ATG4C: variants seen among roughly 807,000 people sequenced by gnomAD.
ATG4C encodes cysteine protease ATG4C.
In ATG4C, 56 loss-of-function variants were observed where a neutral mutation model predicts 57.6. That is an observed-to-expected ratio of 0.97 (90% CI 0.78 to 1.21). The LOEUF (loss-of-function observed/expected upper bound fraction) is 1.21. ATG4C is among the 50% of genes most tolerant of loss of function. The pLI is 0.00. For missense variants in ATG4C, 595 were observed against 529.8 expected, an observed-to-expected ratio of 1.12 and a Z score of -1.21; for synonymous variants, 157 against 174.1, an observed-to-expected ratio of 0.90 and a Z score of 0.78.
At chr1:62,821,966 A>C (rs1665497266) in intron 6 of ATG4C, among the ~76,000 whole-genome samples, 1 of 152,126 alleles carries the variant, frequency 6.6e-6, no homozygotes. Context: ...TCACTTGTGA[A>C]AAATGCTGTG....
intron 3 of ATG4C, among the ~76,000 whole-genome samples, chr1:62,810,695 T>A (rs1394517171): frequency 6.7e-6 from 1 of 149,844 alleles, no homozygotes; most frequent in Non-Finnish European, 1.5e-5. Flanking sequence ...AGCTAGCAAT[T>A]TCCCATTGAG....
chr1:62,808,086 G>C (rs1212872729), intron 3 of ATG4C, among the ~76,000 whole-genome samples: 1 of 152,186 alleles, frequency 6.6e-6, no homozygotes, highest in African/African-American at 2.4e-5. Context: ...TAGACTAAAA[G>C]GAAGTGTTTT....
At chr1:62,847,789 T>A (rs1402359523) in intron 10 of ATG4C, among the ~76,000 whole-genome samples, 1 of 152,158 alleles carries the variant, frequency 6.6e-6, no homozygotes, top group African/African-American at 2.4e-5. Flanking sequence ...AATGGTCAAC[T>A]GTGGAAATCC....
At chr1:62,827,071 C>T (rs1665685736) in intron 6 of ATG4C, among the ~76,000 whole-genome samples, 1 of 152,150 alleles carries the variant, frequency 6.6e-6, no homozygotes, top group Non-Finnish European at 1.5e-5. Context: ...CTATTATGAA[C>T]ACAGGAAACA....
rs566806455 is a variant in ATG4C, at chr1:62,796,121, T to C, written c.-68-7598T>C. Among the ~76,000 whole-genome samples the C allele has an allele frequency of 7.2e-5, 11 of 151,800 alleles. No individual in the cohort carries two copies. The South Asian group carries it at 2.1e-3, about 29-fold the overall frequency. Reference sequence around the variant, plus strand: ...AATTTTATAATTATGGCTAAATTATTACTTTTCTTTATGCTTTGTAGTCAA... The same window carrying C: ...AATTTTATAATTATGGCTAAATTATCACTTTTCTTTATGCTTTGTAGTCAA... On this transcript the variant is annotated intron_variant, in intron 1 of 10. Coordinates refer to ENST00000317868, the MANE Select transcript of ATG4C (RefSeq NM_032852.4).
chr1:62,854,231 G>A (rs1273695971), intron 10 of ATG4C, among the ~76,000 whole-genome samples: 1 of 148,146 alleles, frequency 6.8e-6, no homozygotes, highest in African/African-American at 2.5e-5. Flanking sequence ...TGTTGTTTAT[G>A]CTTCCTTCTG....
Position 62,864,128 on chromosome 1 carries a change from G to C in ATG4C, c.1346G>C (p.Arg449Thr). 1 of 1,605,330 alleles carries C rather than the reference G, an allele frequency of 6.2e-7. No individual in the cohort carries two copies. Among genetic ancestry groups the C allele is most frequent in the African/African-American group, 1.3e-5 (1 of 74,442 alleles). The change falls in exon 11 of 11, where the codon AGA becomes ACA. Residue 449 changes from arginine to threonine, a missense_variant. Physicochemically the swap from Arg to Thr is moderately conservative, Grantham distance 71. Coordinates refer to ENST00000317868, the MANE Select transcript of ATG4C (RefSeq NM_032852.4). ...FSEDEKKQLK[R>T]FSTEEFVLL ...GAGGATGAAAAGAAACAATTAAAAA[G>C]ATTTAGCACGGAAGAGTTTGTCTTG...
chr1:62,813,765 C>A (rs1215164735), intron 3 of ATG4C, among the ~76,000 whole-genome samples: 1 of 152,098 alleles, frequency 6.6e-6, no homozygotes, highest in Non-Finnish European at 1.5e-5. Flanking sequence ...AAAAAACAAT[C>A]CCATCAAAAA....
chr1:62,809,337 A>G (rs1005100782), intron 3 of ATG4C, among the ~76,000 whole-genome samples: 3 of 149,958 alleles, frequency 2.0e-5, no homozygotes, highest in Non-Finnish European at 4.4e-5. Context: ...TATTTATACA[A>G]ATATGTATAA....
chr1:62,816,802 G>T lies in ATG4C; in HGVS notation c.388G>T (p.Gly130Cys). The stretch of plus-strand genomic sequence containing the variant: ...TCAAGGACTCATACTACACTTTCTT[G>T]GTAGAGGTAAATCAAATTTCTGTTT... ...LAQGLILHFL[G>C]RAWTWPDALN... Residue 130 changes from glycine to cysteine, a missense_variant, in exon 4 of 11, where the codon GGT (glycine) becomes TGT (cysteine). Physicochemically the swap from Gly to Cys is radical, Grantham distance 159. Transcript: ENST00000317868. 1 of 1,528,820 alleles carries T rather than the reference G, an allele frequency of 6.5e-7. No individual in the cohort carries two copies. Among genetic ancestry groups the T allele is most frequent in the Non-Finnish European group, 8.8e-7 (1 of 1,136,578 alleles). 94.7% of individuals were successfully genotyped at this position (1,528,820 alleles called of 1,614,324 possible).
intron 1 of ATG4C, among the ~76,000 whole-genome samples, chr1:62,801,560 C>G (rs1664662851): frequency 6.6e-6 from 1 of 151,954 alleles, no homozygotes; most frequent in Non-Finnish European, 1.5e-5. Flanking sequence ...ATCACGAGGT[C>G]AGGAGTTCAA....
chr1:62,815,739 C>T (rs1665248084), intron 3 of ATG4C, among the ~76,000 whole-genome samples: 1 of 152,190 alleles, frequency 6.6e-6, no homozygotes, highest in African/African-American at 2.4e-5. Context: ...GGCTGTAGTG[C>T]AGTGGCACGA....
intron 3 of ATG4C, among the ~76,000 whole-genome samples, chr1:62,812,989 A>AC (rs1458053396): frequency 6.6e-5 from 10 of 152,206 alleles, no homozygotes; most frequent in Non-Finnish European, 1.0e-4. Flanking sequence ...AACAAATGGA[A>AC]AAACATTCCA....
At chr1:62,802,004 A>T (rs1664694818) in intron 1 of ATG4C, among the ~76,000 whole-genome samples, 1 of 144,092 alleles carries the variant, frequency 6.9e-6, no homozygotes, top group African/African-American at 2.6e-5. Context: ...GAAAAGAACT[A>T]CTCTCTGCTT....
chr1:62,813,839 G>A (rs113086650), intron 3 of ATG4C, among the ~76,000 whole-genome samples: 5,876 of 152,102 alleles, frequency 0.039, 390 homozygotes, highest in African/African-American at 0.14. Flanking sequence ...ACAAATATAT[G>A]GAAAAAGCTC....
chr1:62,815,251 A>T lies in ATG4C; in HGVS notation c.161-1324A>T, dbSNP rs1418872856. On this transcript the variant is annotated intron_variant, in intron 3 of 10. Coordinates refer to ENST00000317868, the MANE Select transcript of ATG4C (RefSeq NM_032852.4). Reference sequence around the variant, plus strand: ...TTGAGTATTTTTATCATTCTCTTTTATCTCTTTTGTTGTCTTATTAGCTAT... The same window carrying T: ...TTGAGTATTTTTATCATTCTCTTTTTTCTCTTTTGTTGTCTTATTAGCTAT... 3.5e-5 allele frequency among the ~76,000 whole-genome samples: 5 copies of T among 143,108 alleles called. No individual in the cohort carries two copies. The South Asian group carries it at 8.7e-4, about 25-fold the overall frequency. 93.9% of individuals were successfully genotyped at this position (143,108 alleles called of 152,430 possible).
At chr1:62,819,665 GT>G in intron 5 of ATG4C, among the ~76,000 whole-genome samples, 1 of 151,744 alleles carries the variant, frequency 6.6e-6, no homozygotes. Context: ...TAACATTATA[GT>G]TTTTTTTAAT....
intron 1 of ATG4C, among the ~76,000 whole-genome samples, chr1:62,803,062 T>A (rs921741628): frequency 6.6e-6 from 1 of 152,194 alleles, no homozygotes; most frequent in African/African-American, 2.4e-5. Flanking sequence ...ATATCACACA[T>A]CTCAATTTTC....
chr1:62,811,473 G>T (rs1182285467), intron 3 of ATG4C, among the ~76,000 whole-genome samples: 3 of 152,102 alleles, frequency 2.0e-5, no homozygotes, highest in African/African-American at 7.2e-5. Flanking sequence ...GTAGTATCTA[G>T]ACCGAATACC....
Sources: gnomAD v4.1 joint callset for allele counts (sites outside exome capture counted in the v4.1 genomes callset) on GRCh38, gnomAD v4.1.1 for gene constraint, MANE v1.5 for transcripts, NCBI Gene and HGNC (gene_info 2026-07-23, HGNC 2026-07-21) for gene names.